The following LRP1B variants were observed in gnomAD, a reference collection of about 807,000 sequenced individuals.
The protein encoded by LRP1B is LDL receptor related protein 1B, also known as low-density lipoprotein receptor-related protein 1B.
LRP1B carries 217 observed loss-of-function variants against 556.6 expected under a neutral mutation model. The observed-to-expected ratio is 0.39, with a 90% CI of 0.35 to 0.44. LRP1B has a LOEUF of 0.44. Among genes scored for constraint, LRP1B ranks in the 20% least tolerant of loss-of-function variants. The probability of loss-of-function intolerance (pLI) is 1.00; values close to 1 mark genes in which losing one functional copy is unlikely to be tolerated. For missense variants in LRP1B, 5,053 were observed against 5,620.8 expected, an observed-to-expected ratio of 0.90 and a Z score of 3.23; for synonymous variants, 2,047 against 1,865.8, an observed-to-expected ratio of 1.10 and a Z score of -2.50.
chr2:140,457,791 A>G, intron 60 of LRP1B, 140 bp from the exon 61 acceptor site: 1 of 635,556 alleles, frequency 1.6e-6, no homozygotes, highest in Admixed American at 2.8e-5. Flanking sequence ...AGGCCAGCAA[A>G]GTTCTTTATT....
intron 2 of LRP1B, among the ~76,000 whole-genome samples, chr2:141,785,633 G>A (rs569411274): frequency 7.9e-5 from 12 of 150,992 alleles, no homozygotes; most frequent in Non-Finnish European, 1.5e-4. Context: ...TCCAAAAAAC[G>A]GAAAAGATAT....
At chr2:140,592,790 A>G (rs1682279927) in intron 43 of LRP1B, among the ~76,000 whole-genome samples, 1 of 152,176 alleles carries the variant, frequency 6.6e-6, no homozygotes, top group Non-Finnish European at 1.5e-5. Context: ...AAAGTAAAAA[A>G]TTAGCCAAGT....
chr2:141,145,338 A>G (rs1701754156), intron 7 of LRP1B, among the ~76,000 whole-genome samples: 1 of 152,048 alleles, frequency 6.6e-6, no homozygotes, highest in South Asian at 2.1e-4. Context: ...ATATAAGTGT[A>G]CACTGTACAC....
chr2:140,504,474 C>G (rs10182235), intron 53 of LRP1B, among the ~76,000 whole-genome samples: 4 of 152,086 alleles, frequency 2.6e-5, no homozygotes, highest in Admixed American at 2.6e-4. Flanking sequence ...TATTTTCCTG[C>G]CAGCTTTAGG....
intron 2 of LRP1B, among the ~76,000 whole-genome samples, chr2:141,673,828 A>AT (rs200395170): frequency 3.4e-4 from 51 of 152,078 alleles, no homozygotes; most frequent in Middle Eastern, 3.4e-3. Flanking sequence ...CACTGCAATG[A>AT]TTTTTTTTAA....
intron 80 of LRP1B, among the ~76,000 whole-genome samples, chr2:140,324,953 TTA>T (rs1158126459): frequency 1.3e-5 from 2 of 151,786 alleles, no homozygotes; most frequent in Admixed American, 1.3e-4. Context: ...AAAATTTGAT[TTA>T]GTTGTTTTTC....
chr2:141,014,508 A>G (rs922691357), intron 13 of LRP1B, among the ~76,000 whole-genome samples: 7 of 152,112 alleles, frequency 4.6e-5, no homozygotes, highest in Admixed American at 3.3e-4. Flanking sequence ...ACCTTTTACC[A>G]TAAATAAAAA....
At chr2:140,381,930 A>G (rs34761163) in intron 67 of LRP1B, among the ~76,000 whole-genome samples, 13,243 of 151,464 alleles carry the variant, frequency 0.087, 691 homozygotes, top group Middle Eastern at 0.14. Context: ...TAGACTGATC[A>G]TTTCTTTCAA....
At chr2:140,244,752 T>C (rs528479885) in intron 87 of LRP1B, among the ~76,000 whole-genome samples, 1 of 150,474 alleles carries the variant, frequency 6.6e-6, no homozygotes, top group South Asian at 2.1e-4. Context: ...TATAAATTGA[T>C]AGTAATTAGG....
chr2:140,354,756 T>C (rs1682133452), intron 75 of LRP1B, among the ~76,000 whole-genome samples: 1 of 152,002 alleles, frequency 6.6e-6, no homozygotes, highest in African/African-American at 2.4e-5. Flanking sequence ...CACACATGCC[T>C]AGTACCCAAA....
chr2:140,413,729 A>G (rs78288655), intron 66 of LRP1B, among the ~76,000 whole-genome samples: 135 of 152,324 alleles, frequency 8.9e-4, no homozygotes, highest in African/African-American at 2.9e-3. Flanking sequence ...TAAGCAAAAT[A>G]TCATCTCCAC....
intron 41 of LRP1B, among the ~76,000 whole-genome samples, chr2:140,627,977 T>C (rs1683728984): frequency 6.6e-6 from 1 of 152,194 alleles, no homozygotes; most frequent in Non-Finnish European, 1.5e-5. Flanking sequence ...CTCTCAGTAA[T>C]GAGACTACTA....
intron 30 of LRP1B, among the ~76,000 whole-genome samples, chr2:140,840,466 G>A (rs1692066480): frequency 6.6e-6 from 1 of 152,164 alleles, no homozygotes; most frequent in Non-Finnish European, 1.5e-5. Context: ...TTCCATTGCT[G>A]TTGAAAGCAC....
intron 35 of LRP1B, among the ~76,000 whole-genome samples, chr2:140,749,136 A>G (rs1688481589): frequency 1.3e-5 from 2 of 151,928 alleles, no homozygotes; most frequent in African/African-American, 4.8e-5. Context: ...AAAATACAAT[A>G]TAAGAGATTA....
intron 21 of LRP1B, among the ~76,000 whole-genome samples, chr2:140,922,326 G>A (rs973027999): frequency 2.7e-5 from 4 of 150,056 alleles, no homozygotes; most frequent in Admixed American, 1.3e-4. Context: ...GCACACACAC[G>A]AAACCAAAAT....
chr2:140,887,847 A>T (rs970231612), intron 23 of LRP1B, among the ~76,000 whole-genome samples: 2 of 152,186 alleles, frequency 1.3e-5, no homozygotes, highest in Admixed American at 1.3e-4. Context: ...GAATAGGCAA[A>T]TCTTTAGTGG....
chr2:142,046,483 G>T (rs555977996), intron 1 of LRP1B, among the ~76,000 whole-genome samples: 1 of 151,912 alleles, frequency 6.6e-6, no homozygotes, highest in South Asian at 2.1e-4. Flanking sequence ...TTAGGCTGCA[G>T]CTTGGTAATC....
At chr2:142,105,663 G>A (rs1559073378) in intron 1 of LRP1B, among the ~76,000 whole-genome samples, 1 of 152,128 alleles carries the variant, frequency 6.6e-6, no homozygotes, top group Non-Finnish European at 1.5e-5. Flanking sequence ...TAGCACTGAA[G>A]ATTTGTATTT....
At chr2:140,795,730 A>C (rs2104996541) in intron 32 of LRP1B, among the ~76,000 whole-genome samples, 1 of 152,232 alleles carries the variant, frequency 6.6e-6, no homozygotes, top group Middle Eastern at 3.4e-3. Flanking sequence ...AAAATTGCTG[A>C]GTAAAAAGGG....
Sources: gnomAD v4.1 joint callset for allele counts (sites outside exome capture counted in the v4.1 genomes callset) on GRCh38, gnomAD v4.1.1 for gene constraint, MANE v1.5 for transcripts, NCBI Gene and HGNC (gene_info 2026-07-23, HGNC 2026-07-21) for gene names.